Variants in CBFA2T2 observed in about 807,000 individuals in gnomAD.
CBFA2T2 encodes protein CBFA2T2.
Under a neutral mutation model 62.2 loss-of-function variants are expected in CBFA2T2, and 11 were observed. That is an observed-to-expected ratio of 0.18 (90% CI 0.11 to 0.29). The LOEUF is 0.29. Among genes scored for constraint, CBFA2T2 ranks in the 10% least tolerant of loss-of-function variants. The pLI, the probability that CBFA2T2 is intolerant of heterozygous loss-of-function variation, is 1.00. For synonymous variants in CBFA2T2, 295 were observed against 287.5 expected (o/e 1.03, Z -0.27); for missense variants, 592 against 774.1 (o/e 0.76, Z 2.79).
intron 1 of CBFA2T2, among the ~76,000 whole-genome samples, chr20:33,510,331 C>T (rs2146853915): frequency 6.6e-6 from 1 of 152,092 alleles, no homozygotes; most frequent in Non-Finnish European, 1.5e-5. Context: ...CTGCCTCAGC[C>T]TCCCGAGTAG....
At chr20:33,561,542 T>G (rs373444937) in intron 1 of CBFA2T2, among the ~76,000 whole-genome samples, 1 of 152,318 alleles carries the variant, frequency 6.6e-6, no homozygotes, top group East Asian at 1.9e-4. Flanking sequence ...GATTTTTATT[T>G]AGCAGAAATT....
At chr20:33,643,192 G>A (rs767583434) in intron 10 of CBFA2T2, among the ~76,000 whole-genome samples, 18 of 152,196 alleles carry the variant, frequency 1.2e-4, no homozygotes, top group Non-Finnish European at 2.4e-4. Flanking sequence ...ACTTCTAGCC[G>A]AGTTCCCTCT....
intron 6 of CBFA2T2, among the ~76,000 whole-genome samples, 176 bp from the exon 7 acceptor site, chr20:33,628,174 G>C (rs2016315231): frequency 6.6e-6 from 1 of 152,160 alleles, no homozygotes; most frequent in Admixed American, 6.5e-5. Context: ...TATATAATGT[G>C]AATCGTGATC....
rs2017001083 is a variant in CBFA2T2 at position 33,645,009 on chromosome 20, A to G, written c.*363A>G. The stretch of plus-strand genomic sequence containing the variant: ...TGTCCAATGTGCTCAGCCAGGCTGG[A>G]GGCGGCAGGCGGCAGGCAGCAGGCT... On this transcript the variant is annotated 3_prime_UTR_variant, in exon 11 of 11. Coordinates refer to ENST00000342704, the MANE Select transcript of CBFA2T2 (RefSeq NM_001032999.3). 1.0e-5 allele frequency: 2 copies of G among 200,002 alleles called. No individual in the cohort carries two copies. Among genetic ancestry groups the G allele is most frequent in the Non-Finnish European group, 2.0e-5 (2 of 99,128 alleles). The allele number at this position is 200,002 out of a possible 1,614,324, so 12.4% of individuals were successfully genotyped here. A position where few individuals can be genotyped will look rare whatever the true frequency, so the allele number is the denominator to read the frequency against.
At chr20:33,607,637 G>A (rs1377999513) in intron 2 of CBFA2T2, among the ~76,000 whole-genome samples, 1 of 152,134 alleles carries the variant, frequency 6.6e-6, no homozygotes, top group Non-Finnish European at 1.5e-5. Flanking sequence ...CCTTGTAGAT[G>A]GTTGCCTTCT....
intron 8 of CBFA2T2, among the ~76,000 whole-genome samples, chr20:33,632,166 C>A (rs569127659): frequency 6.6e-6 from 1 of 152,218 alleles, no homozygotes; most frequent in South Asian, 2.1e-4. Context: ...GCCTCATCCT[C>A]CTGAGTAGCT....
intron 1 of CBFA2T2, among the ~76,000 whole-genome samples, chr20:33,494,321 G>A (rs1376922699): frequency 2.0e-5 from 2 of 98,338 alleles, no homozygotes; most frequent in Admixed American, 1.6e-4. Flanking sequence ...TCGCTCTGTT[G>A]CCCAGGCTGG....
chr20:33,534,927 C>T (rs894222079), intron 1 of CBFA2T2, among the ~76,000 whole-genome samples: 12 of 151,966 alleles, frequency 7.9e-5, no homozygotes, highest in Non-Finnish European at 1.8e-4. Context: ...TGTGAAATGT[C>T]GCAAAAATTA....
chr20:33,645,970 CA>C lies in CBFA2T2; in HGVS notation c.*1325del, dbSNP rs2017034155. 6.6e-6 allele frequency: 1 copy of C among 152,138 alleles called. No individual in the cohort carries two copies. Among genetic ancestry groups the C allele is most frequent in the African/African-American group, 2.4e-5 (1 of 41,422 alleles). 9.4% of individuals were successfully genotyped at this position (152,138 alleles called of 1,614,324 possible). On this transcript the variant is annotated 3_prime_UTR_variant, in exon 11 of 11. Coordinates refer to ENST00000342704, the MANE Select transcript of CBFA2T2 (RefSeq NM_001032999.3). Reference sequence around the variant, plus strand: ...TCAGAATGTTAGGAACTGCCTCCCACATTCTTCCCTGTCTTTTTGGGTTTTG... The same window carrying C: ...TCAGAATGTTAGGAACTGCCTCCCACTTCTTCCCTGTCTTTTTGGGTTTTG...
chr20:33,592,689 C>T (rs1004845969), intron 1 of CBFA2T2, among the ~76,000 whole-genome samples: 3 of 150,748 alleles, frequency 2.0e-5, no homozygotes, highest in Non-Finnish European at 3.0e-5. Flanking sequence ...CTAGTGTCTT[C>T]GAGAAAAAAA....
intron 3 of CBFA2T2, among the ~76,000 whole-genome samples, chr20:33,618,180 T>G (rs2015781141): frequency 6.6e-6 from 1 of 151,742 alleles, no homozygotes; most frequent in South Asian, 2.1e-4. Flanking sequence ...TTCCTTTTTT[T>G]TTTTTTTTGT....
chr20:33,538,728 C>G (rs550316903), intron 1 of CBFA2T2, among the ~76,000 whole-genome samples: 23 of 152,278 alleles, frequency 1.5e-4, no homozygotes, highest in African/African-American at 5.1e-4. Flanking sequence ...CCAATTATCA[C>G]TTGTTTTACT....
In CBFA2T2 at chr20:33,619,526, G is replaced by T; in HGVS notation, c.430G>T (p.Val144Leu). The T allele has an allele frequency of 6.3e-7, 1 of 1,598,740 alleles. No homozygotes were observed. The highest frequency in any genetic ancestry group is 8.5e-7 in the Non-Finnish European group (1 of 1,173,274). Residue 144 changes from valine (V) to leucine (L), a missense_variant, in exon 4 of 11, where the codon GTG becomes TTG. This residue lies in a region of CBFA2T2 where 449 missense variants were observed against 551.2 expected (regional missense o/e 0.81). Transcript: ENST00000342704. ...TTATTTATCTTTTCAGAACTCAACA[G>T]TGACAATTGAGGAATTCCACTGTAA... ...TLVLALVNST[V>L]TIEEFHCKLQ...
At chr20:33,512,643 G>A (rs889959711) in intron 1 of CBFA2T2, among the ~76,000 whole-genome samples, 2 of 151,902 alleles carry the variant, frequency 1.3e-5, no homozygotes, top group African/African-American at 2.4e-5. Context: ...TACCACAGTC[G>A]GTCCATTCTG....
intron 1 of CBFA2T2, among the ~76,000 whole-genome samples, chr20:33,573,180 A>C (rs573255481): frequency 5.9e-5 from 9 of 152,220 alleles, no homozygotes; most frequent in Non-Finnish European, 1.2e-4. Context: ...CCCTGCCCTC[A>C]TGGAGATTAA....
chr20:33,588,903 C>G, intron 1 of CBFA2T2, among the ~76,000 whole-genome samples: 1 of 152,044 alleles, frequency 6.6e-6, no homozygotes, highest in South Asian at 2.1e-4. Context: ...GATCGCGCCA[C>G]TGCACTCCAG....
chr20:33,567,510 TATTGTTATA>T (rs2013376347), intron 1 of CBFA2T2, among the ~76,000 whole-genome samples: 1 of 152,184 alleles, frequency 6.6e-6, no homozygotes, highest in Admixed American at 6.6e-5. Context: ...TATTACAGTA[TATTGTTATA>T]ATTGTTATAA....
chr20:33,631,637 G>T (rs2016455329), intron 8 of CBFA2T2, among the ~76,000 whole-genome samples: 1 of 152,176 alleles, frequency 6.6e-6, no homozygotes, highest in Non-Finnish European at 1.5e-5. Context: ...CTCACCTTTT[G>T]CATCAAGGAT....
At position 33,642,119 on chromosome 20, in the gene CBFA2T2, TGTGTGTGTG is replaced by T. The variant is rs1568875368; in HGVS notation, c.1488+1589_1488+1597del. 4.4e-3 allele frequency among the ~76,000 whole-genome samples: 127 copies of T among 28,884 alleles called. 1 individual carries two copies. The highest frequency in any genetic ancestry group is 0.018 in the African/African-American group (116 of 6,358). 18.9% of individuals were successfully genotyped at this position (28,884 alleles called of 152,430 possible). A position where few individuals can be genotyped will look rare whatever the true frequency, so the allele number is the denominator to read the frequency against. On this transcript the variant is annotated intron_variant, in intron 10 of 10. Coordinates refer to ENST00000342704, the MANE Select transcript of CBFA2T2 (RefSeq NM_001032999.3). ...TCCTCCTTTGTCTTTTTTTTTTTTG[TGTGTGTGTG>T]TGTGTGTGTGTGTGTGTGTGTGTGT...
Sources: gnomAD v4.1 joint callset for allele counts (sites outside exome capture counted in the v4.1 genomes callset) on GRCh38, gnomAD v4.1.1 for gene constraint, gnomAD v4.1.1 regional missense constraint, MANE v1.5 for transcripts, NCBI Gene and HGNC (gene_info 2026-07-23, HGNC 2026-07-21) for gene names.